The following ARIH1 variants were observed in gnomAD, a reference collection of about 807,000 sequenced individuals.
ARIH1 encodes ariadne RBR E3 ubiquitin protein ligase 1.
In ARIH1, 8 loss-of-function variants were observed where a neutral mutation model predicts 85.0. That is an observed-to-expected ratio of 0.09 (90% CI 0.06 to 0.17). The LOEUF is 0.17. Among genes scored for constraint, ARIH1 ranks in the 10% least tolerant of loss-of-function variants. ARIH1 has a pLI of 1.00. For synonymous variants in ARIH1, 238 were observed against 253.6 expected, an observed-to-expected ratio of 0.94 and a Z score of 0.59; for missense variants, 311 against 718.1, an observed-to-expected ratio of 0.43 and a Z score of 6.48.
intron 5 of ARIH1, among the ~76,000 whole-genome samples, chr15:72,558,772 G>A (rs982473953): frequency 6.6e-6 from 1 of 152,118 alleles, no homozygotes; most frequent in African/African-American, 2.4e-5. Context: ...GTGGAACCTT[G>A]TCCTAATAAC....
chr15:72,546,942 G>A (rs1470322875), intron 3 of ARIH1, among the ~76,000 whole-genome samples: 1 of 145,274 alleles, frequency 6.9e-6, no homozygotes, highest in African/African-American at 2.7e-5. Context: ...GGAGGGGGGG[G>A]GGTGGGACGG....
intron 6 of ARIH1, among the ~76,000 whole-genome samples, chr15:72,562,567 C>G (rs1464050961): frequency 6.7e-6 from 1 of 150,266 alleles, no homozygotes; most frequent in Non-Finnish European, 1.5e-5. Flanking sequence ...AACTAAAATG[C>G]AATCTTTGCC....
chr15:72,488,549 A>G (rs1011752246), intron 1 of ARIH1, among the ~76,000 whole-genome samples: 25 of 152,210 alleles, frequency 1.6e-4, no homozygotes, highest in African/African-American at 4.3e-4. Context: ...TGATATAGCT[A>G]TCCCTATATC....
intron 7 of ARIH1, among the ~76,000 whole-genome samples, chr15:72,565,212 C>T (rs112474038): frequency 6.9e-4 from 105 of 152,150 alleles, no homozygotes; most frequent in African/African-American, 1.9e-3. Context: ...TGTGCCACCA[C>T]GCCTGGCTAA....
Position 72,594,523 on chromosome 15 carries a change from G to GT in ARIH1, c.*11234dup, listed in dbSNP as rs2064355322. ...TATCTAGAAATACAATTGATTTTTT[G>GT]TTTGTTTCTTTAGAGATGGGTCTCA... On this transcript the variant is annotated 3_prime_UTR_variant, in exon 14 of 14. Coordinates refer to ENST00000379887, the MANE Select transcript of ARIH1 (RefSeq NM_005744.5). 2 of 151,896 alleles carry GT rather than the reference G, an allele frequency of 1.3e-5. No individual in the cohort carries two copies. Among genetic ancestry groups the GT allele is most frequent in the South Asian group, 4.1e-4 (2 of 4,822 alleles). The allele number at this position is 151,896 out of a possible 1,614,324, so 9.4% of individuals were successfully genotyped here. A position where few individuals can be genotyped will look rare whatever the true frequency, so the allele number is the denominator to read the frequency against.
intron 2 of ARIH1, among the ~76,000 whole-genome samples, chr15:72,529,556 G>A (rs1475324357): frequency 6.6e-6 from 1 of 152,224 alleles, no homozygotes. Context: ...GGAGCTTGGT[G>A]ATGAGGAGTT....
chr15:72,583,980 ATATT>A lies in ARIH1; in HGVS notation c.*693_*696del, dbSNP rs923560009. ...TTGCATAATGTTTAATTACAAAAAA[ATATT>A]TATTCTTTAAAAATCTTCAAGATTA... On this transcript the variant is annotated 3_prime_UTR_variant, in exon 14 of 14. Transcript: ENST00000379887. 8 of 152,222 alleles carry A rather than the reference ATATT, an allele frequency of 5.3e-5. No homozygotes were observed. The highest frequency in any genetic ancestry group is 7.3e-5 in the Non-Finnish European group (5 of 68,032). The allele number at this position is 152,222 out of a possible 1,614,324, so 9.4% of individuals were successfully genotyped here.
intron 3 of ARIH1, among the ~76,000 whole-genome samples, chr15:72,553,243 C>T (rs765925758): frequency 6.6e-6 from 1 of 152,054 alleles, no homozygotes; most frequent in Non-Finnish European, 1.5e-5. Context: ...AAGACATAAT[C>T]CTCCAGATCA....
chr15:72,562,264 C>T (rs1041087659), intron 6 of ARIH1, among the ~76,000 whole-genome samples: 2 of 152,162 alleles, frequency 1.3e-5, no homozygotes, highest in Non-Finnish European at 2.9e-5. Flanking sequence ...TCTATGACTC[C>T]TTTTGTGCTA....
At chr15:72,577,013 G>A (rs1328023762) in intron 11 of ARIH1, among the ~76,000 whole-genome samples, 1 of 148,996 alleles carries the variant, frequency 6.7e-6, no homozygotes, top group Non-Finnish European at 1.5e-5. Context: ...GACGGAGTTT[G>A]CTCTTGTTAC....
intron 2 of ARIH1, among the ~76,000 whole-genome samples, chr15:72,539,468 G>C (rs1353851988): frequency 6.6e-6 from 1 of 152,018 alleles, no homozygotes; most frequent in Non-Finnish European, 1.5e-5. Flanking sequence ...AAAAAGAAAG[G>C]ATAAATAATG....
rs35643744 is a variant in ARIH1 at position 72,547,357 on chromosome 15, C to T, written c.588+2393C>T. On this transcript the variant is annotated intron_variant, in intron 3 of 13. Transcript: ENST00000379887. ...AAGTGATTCTCCTGCCTCAGCCTCC[C>T]GAGTAGCTGGGACTACAAGCGCCGG... Among the ~76,000 whole-genome samples the T allele has an allele frequency of 4.5e-3, 681 of 151,994 alleles. 2 individuals carry two copies. Among genetic ancestry groups the T allele is most frequent in the Non-Finnish European group, 7.9e-3 (538 of 67,968 alleles).
chr15:72,529,268 T>C (rs971842306), intron 2 of ARIH1, among the ~76,000 whole-genome samples: 6 of 152,146 alleles, frequency 3.9e-5, no homozygotes. Flanking sequence ...TTGCTCCCCC[T>C]ATCTCACTAT....
chr15:72,477,129 T>G (rs779665115), intron 1 of ARIH1, among the ~76,000 whole-genome samples: 4 of 152,246 alleles, frequency 2.6e-5, no homozygotes, highest in Non-Finnish European at 4.4e-5. Context: ...TCAGAAAAGT[T>G]ATGCTAGTTT....
At chr15:72,548,039 C>A (rs2064137371) in intron 3 of ARIH1, among the ~76,000 whole-genome samples, 1 of 152,210 alleles carries the variant, frequency 6.6e-6, no homozygotes, top group Admixed American at 6.5e-5. Flanking sequence ...ACACACTAGG[C>A]ACTATTCTAA....
chr15:72,560,855 G>C (rs114539697), intron 5 of ARIH1, among the ~76,000 whole-genome samples: 1 of 152,150 alleles, frequency 6.6e-6, no homozygotes. Context: ...ATTTACCATA[G>C]AACTAATGAA....
intron 1 of ARIH1, among the ~76,000 whole-genome samples, chr15:72,502,981 T>A (rs1247963897): frequency 6.6e-6 from 1 of 152,204 alleles, no homozygotes; most frequent in Non-Finnish European, 1.5e-5. Context: ...ACTGGGAAGT[T>A]TGATGATCAG....
At chr15:72,574,690 C>T (rs1303144211) in intron 11 of ARIH1, among the ~76,000 whole-genome samples, 1 of 152,208 alleles carries the variant, frequency 6.6e-6, no homozygotes, top group African/African-American at 2.4e-5. Context: ...TACATAATCT[C>T]TGTTGTGACG....
At chr15:72,489,217 C>T (rs1005524667) in intron 1 of ARIH1, among the ~76,000 whole-genome samples, 1 of 123,064 alleles carries the variant, frequency 8.1e-6, no homozygotes, top group Admixed American at 1.1e-4. Context: ...TACTGCACTC[C>T]AGCCTAGGCA....
Sources: gnomAD v4.1 joint callset for allele counts (sites outside exome capture counted in the v4.1 genomes callset) on GRCh38, gnomAD v4.1.1 for gene constraint, MANE v1.5 for transcripts, NCBI Gene and HGNC (gene_info 2026-07-23, HGNC 2026-07-21) for gene names.